Variants in LHFPL5 observed in about 807,000 individuals in gnomAD.
LHFPL5 encodes the protein LHFPL tetraspan subfamily member 5.
Under a neutral mutation model 18.7 loss-of-function variants are expected in LHFPL5, and 12 were observed. That is an observed-to-expected ratio of 0.64 (90% CI 0.41 to 1.04). The LOEUF (loss-of-function observed/expected upper bound fraction) is 1.04. LHFPL5 is among the 50% of genes least tolerant of loss of function. The pLI, the probability that LHFPL5 is intolerant of heterozygous loss-of-function variation, is 0.00. For missense variants in LHFPL5, 259 were observed against 292.1 expected, an observed-to-expected ratio of 0.89 and a Z score of 0.83; for synonymous variants, 111 against 120.2, an observed-to-expected ratio of 0.92 and a Z score of 0.50.
At chr6:35,817,590 A>G (rs1461149365) in intron 2 of LHFPL5, among the ~76,000 whole-genome samples, 1 of 152,234 alleles carries the variant, frequency 6.6e-6, no homozygotes, top group African/African-American at 2.4e-5. Flanking sequence ...CAAATGGCCA[A>G]TTAGCACACC....
chr6:35,820,395 AATGC>A (rs1056728887), intron 3 of LHFPL5, among the ~76,000 whole-genome samples: 1 of 152,152 alleles, frequency 6.6e-6, no homozygotes, highest in Non-Finnish European at 1.5e-5. Flanking sequence ...AACATTCAGG[AATGC>A]ATTTAAAAAA....
At chr6:35,818,341 ATATATATGTATTT>A (rs1301788919) in intron 2 of LHFPL5, among the ~76,000 whole-genome samples, 843 of 13,042 alleles carry the variant, frequency 0.065, 19 homozygotes, top group East Asian at 0.22. Context: ...ATATATATAT[ATATATATGTATTT>A]TTTTTTTTTT....
chr6:35,819,242 G>A (rs1254763194), intron 2 of LHFPL5, among the ~76,000 whole-genome samples, 195 bp from the exon 3 acceptor site: 1 of 152,208 alleles, frequency 6.6e-6, no homozygotes, highest in Non-Finnish European at 1.5e-5. Context: ...GGAAATCTAA[G>A]TTGGAGCTTA....
chr6:35,819,342 G>C, intron 2 of LHFPL5, 95 bp from the exon 3 acceptor site: 1 of 1,138,696 alleles, frequency 8.8e-7, no homozygotes, highest in Non-Finnish European at 1.3e-6. Context: ...AGAGTAAGAG[G>C]AATCTGATGT....
At chr6:35,809,579 T>C (rs1052987967) in intron 1 of LHFPL5, among the ~76,000 whole-genome samples, 6 of 152,156 alleles carry the variant, frequency 3.9e-5, no homozygotes, top group Admixed American at 1.3e-4. Flanking sequence ...ACACACCTCA[T>C]TGCAGCCTTG....
rs1768908151 is a variant in LHFPL5, at chr6:35,823,416, C to CACATATAT, written c.*454_*455insTATATACA. 1.4e-5 allele frequency: 2 copies of CACATATAT among 139,704 alleles called. No individual in the cohort carries two copies. The highest frequency in any genetic ancestry group is 6.2e-5 in the African/African-American group (2 of 32,040). 8.7% of individuals were successfully genotyped at this position (139,704 alleles called of 1,614,324 possible). A position where few individuals can be genotyped will look rare whatever the true frequency, so the allele number is the denominator to read the frequency against. On this transcript the variant is annotated 3_prime_UTR_variant, in exon 4 of 4. Coordinates refer to ENST00000360215, the MANE Select transcript of LHFPL5 (RefSeq NM_182548.4). ...ACACACACACACACACACACACACA[C>CACATATAT]ACACACACATACATACACACACACA...
At chr6:35,809,531 A>G (rs1022348338) in intron 1 of LHFPL5, among the ~76,000 whole-genome samples, 6 of 152,118 alleles carry the variant, frequency 3.9e-5, no homozygotes, top group African/African-American at 1.2e-4. Context: ...GGTCTCAAAA[A>G]TGATTATTTT....
At chr6:35,807,377 G>T (rs1768589097) in intron 1 of LHFPL5, among the ~76,000 whole-genome samples, 2 of 152,266 alleles carry the variant, frequency 1.3e-5, no homozygotes, top group South Asian at 2.1e-4. Flanking sequence ...GCTCAGGAAG[G>T]CTTCTTGGTC....
Position 35,821,338 on chromosome 6 carries a change from T to C in LHFPL5, c.*17-1644T>C, listed in dbSNP as rs183551949. On this transcript the variant is annotated intron_variant, in intron 3 of 3. Transcript: ENST00000360215. ...AAAAAAAATGCAGATTCTGATTCAG[T>C]TGGTGGGGTGGGTCTGGGGCCGTAG... is the stretch of plus-strand genomic sequence containing the variant. Among the ~76,000 whole-genome samples, 3 of 150,396 alleles carry C rather than the reference T, an allele frequency of 2.0e-5. No homozygotes were observed. In the East Asian group the frequency reaches 5.8e-4, roughly 29 times the overall value.
At position 35,823,509 on chromosome 6, in the gene LHFPL5, C is replaced by T. The variant is rs1228616325; in HGVS notation, c.*544C>T. 4 of 140,502 alleles carry T rather than the reference C, an allele frequency of 2.8e-5. No homozygotes were observed. Among genetic ancestry groups the T allele is most frequent in the Non-Finnish European group, 4.7e-5 (3 of 63,814 alleles). 8.7% of individuals were successfully genotyped at this position (140,502 alleles called of 1,614,324 possible). ...CTCTCTCTCAAACACACACAAATGC[C>T]CAACCAGCTCTAAGAGGGCACTGAA... is the stretch of plus-strand genomic sequence containing the variant. On this transcript the variant is annotated 3_prime_UTR_variant, in exon 4 of 4. Transcript: ENST00000360215.
chr6:35,819,351 G>A, intron 2 of LHFPL5, 86 bp from the exon 3 acceptor site: 1 of 1,220,916 alleles, frequency 8.2e-7, no homozygotes, highest in South Asian at 1.2e-5. Context: ...GGAATCTGAT[G>A]TAGTTTGGAG....
rs149081163 is a variant in LHFPL5, at chr6:35,814,748, G to C, written c.615G>C (p.Lys205Asn). The stretch of plus-strand genomic sequence containing the variant: ...TCGTGTTGGGCTACCGGCAGGACAA[G>C]CTCCTCCCTGACGACTACAAGGCAG... The part of the protein sequence containing the change: ...LAFVLGYRQD[K>N]LLPDDYKADG... The change falls in exon 2 of 4, where the codon AAG becomes AAC. Residue 205 changes from lysine (K) to asparagine (N), a missense_variant. Transcript: ENST00000360215. This position sits in a 1 kb window ranked among gnomAD's most constrained non-coding sequence, Gnocchi z 4.2. 153 of 1,614,164 alleles carry C rather than the reference G, an allele frequency of 9.5e-5. 1 individual carries two copies. In the African/African-American group the frequency reaches 1.9e-3, roughly 20 times the overall value.
intron 3 of LHFPL5, among the ~76,000 whole-genome samples, chr6:35,820,765 A>C (rs1768850548): frequency 6.6e-6 from 1 of 151,816 alleles, no homozygotes; most frequent in South Asian, 2.1e-4. Flanking sequence ...AGAAAAAGAA[A>C]CCCTCACAAC....
In LHFPL5 at chr6:35,814,775, T is replaced by A; in HGVS notation, c.642T>A (p.Asp214Glu). Reference protein sequence around the residue: ...DKLLPDDYKADGTEEV With the variant: ...DKLLPDDYKAEGTEEV ...TCCTCCCTGACGACTACAAGGCAGA[T>A]GGAACCGGTAATCACCCAACTCCAC... Residue 214 changes from aspartate (D) to glutamate (E), a missense_variant, in exon 2 of 4, where the codon GAT (aspartate) becomes GAA (glutamate). Transcript: ENST00000360215. This position sits in a 1 kb window ranked among gnomAD's most constrained non-coding sequence, Gnocchi z 4.2. 6.2e-7 allele frequency: 1 copy of A among 1,613,814 alleles called. No homozygotes were observed. The highest frequency in any genetic ancestry group is 8.5e-7 in the Non-Finnish European group (1 of 1,179,754).
At chr6:35,818,351 A>AT (rs766409391) in intron 2 of LHFPL5, among the ~76,000 whole-genome samples, 158 of 106,906 alleles carry the variant, frequency 1.5e-3, no homozygotes, top group African/African-American at 5.7e-3. Context: ...ATATATATGT[A>AT]TTTTTTTTTT....
intron 3 of LHFPL5, among the ~76,000 whole-genome samples, chr6:35,820,332 A>T (rs1768842766): frequency 2.0e-5 from 3 of 152,218 alleles, no homozygotes. Context: ...GAAGCGCAAC[A>T]TATTCATTTA....
At chr6:35,820,327 G>A (rs902478408) in intron 3 of LHFPL5, among the ~76,000 whole-genome samples, 3 of 152,226 alleles carry the variant, frequency 2.0e-5, no homozygotes, top group Middle Eastern at 3.4e-3. Flanking sequence ...AAAAAGAAGC[G>A]CAACATATTC....
At chr6:35,807,491 A>G (rs1561951385) in intron 1 of LHFPL5, among the ~76,000 whole-genome samples, 1 of 152,100 alleles carries the variant, frequency 6.6e-6, no homozygotes, top group Non-Finnish European at 1.5e-5. Flanking sequence ...AGGGGCCACA[A>G]ACTGTCCATG....
chr6:35,808,143 G>A (rs1429554114), intron 1 of LHFPL5, among the ~76,000 whole-genome samples: 2 of 151,816 alleles, frequency 1.3e-5, no homozygotes, highest in African/African-American at 4.8e-5. Context: ...CAAGGTAGGT[G>A]GTGGCCATGT....
Sources: allele counts gnomAD v4.1 joint callset (sites outside exome capture counted in the v4.1 genomes callset), GRCh38; gene constraint gnomAD v4.1.1; non-coding constraint Gnocchi (gnomAD v3.1); transcripts MANE v1.5; gene names NCBI Gene and HGNC (gene_info 2026-07-23, HGNC 2026-07-21).